LUC7L: variants seen among roughly 807,000 people sequenced by gnomAD.
LUC7L encodes LUC7 like.
Under a neutral mutation model 51.1 loss-of-function variants are expected in LUC7L, and 29 were observed. The ratio of observed to expected loss-of-function variants is 0.57; its 90% CI spans 0.42 to 0.77. LUC7L has a LOEUF of 0.77. LUC7L is among the 30% of genes least tolerant of loss of function. The pLI is 0.00. For synonymous variants in LUC7L, 181 were observed against 180.7 expected, an observed-to-expected ratio of 1.00 and a Z score of -0.01; for missense variants, 403 against 511.9, an observed-to-expected ratio of 0.79 and a Z score of 2.05.
chr16:213,205 T>G (rs956361585), intron 3 of LUC7L, among the ~76,000 whole-genome samples: 9 of 152,082 alleles, frequency 5.9e-5, no homozygotes, highest in African/African-American at 1.9e-4. Flanking sequence ...ATAAAACATA[T>G]CAAGGCCTGG....
intron 7 of LUC7L, chr16:190,780 T>C: frequency 1.8e-6 from 1 of 555,978 alleles, no homozygotes; most frequent in Non-Finnish European, 3.2e-6. Flanking sequence ...CTCAGGAGAC[T>C]GAGGCAGGAA....
At chr16:202,383 C>G (rs543753557) in intron 5 of LUC7L, among the ~76,000 whole-genome samples, 1 of 152,294 alleles carries the variant, frequency 6.6e-6, no homozygotes, top group South Asian at 2.1e-4. Context: ...GACCCCACCT[C>G]CAACATTGGA....
intron 3 of LUC7L, among the ~76,000 whole-genome samples, chr16:215,422 C>G (rs2049763899): frequency 6.6e-6 from 1 of 151,900 alleles, no homozygotes; most frequent in Non-Finnish European, 1.5e-5. Flanking sequence ...AGTTTGAGAC[C>G]AGCCTGACCA....
chr16:205,205 G>C (rs1283457965), intron 5 of LUC7L, among the ~76,000 whole-genome samples: 1 of 152,092 alleles, frequency 6.6e-6, no homozygotes, highest in Non-Finnish European at 1.5e-5. Context: ...TAGAGACAGG[G>C]TCTTGCTATG....
chr16:220,921 C>G (rs1395769007), intron 2 of LUC7L, among the ~76,000 whole-genome samples, 174 bp from the exon 3 acceptor site: 2 of 152,204 alleles, frequency 1.3e-5, no homozygotes, highest in Non-Finnish European at 2.9e-5. Context: ...TTCACTTTTA[C>G]CATCGTGACT....
intron 3 of LUC7L, 98 bp downstream of exon 3, chr16:220,548 CTTA>C (rs989214541): frequency 2.8e-5 from 24 of 849,878 alleles, no homozygotes; most frequent in Non-Finnish European, 3.7e-5. Context: ...AAGCAACTAC[CTTA>C]TTATTTTGCT....
intron 5 of LUC7L, among the ~76,000 whole-genome samples, chr16:201,728 C>T (rs1195595770): frequency 1.0e-4 from 15 of 148,762 alleles, no homozygotes; most frequent in Admixed American, 7.5e-4. Flanking sequence ...CGTGAGCCAC[C>T]GCACCAGGCT....
In LUC7L at chr16:205,304, C is replaced by T. The variant is rs139580771; in HGVS notation, c.510+700G>A. On this transcript the variant is annotated intron_variant, in intron 5 of 9. Transcript: ENST00000293872. ...AGCTGAGACTAAAGCCAAGAGCCAC[C>T]ATAGCTGGCCATATGCTTAAGTTTT... Among the ~76,000 whole-genome samples the T allele has an allele frequency of 5.9e-5, 9 of 152,304 alleles. No individual in the cohort carries two copies. In the East Asian group the frequency reaches 1.7e-3, roughly 29 times the overall value.
chr16:193,573 T>C (rs1402165909), intron 6 of LUC7L, among the ~76,000 whole-genome samples: 2 of 151,880 alleles, frequency 1.3e-5, no homozygotes, highest in Non-Finnish European at 2.9e-5. Flanking sequence ...CTTTGCTCAC[T>C]GAAGCCTCTG....
chr16:197,953 T>A (rs1488266051), intron 6 of LUC7L, among the ~76,000 whole-genome samples: 3 of 152,106 alleles, frequency 2.0e-5, no homozygotes, highest in Non-Finnish European at 4.4e-5. Context: ...CAACCTTCCT[T>A]CTTAGCATTC....
chr16:228,519 T>C (rs2142130700), intron 1 of LUC7L: 4 of 1,216,954 alleles, frequency 3.3e-6, no homozygotes, highest in East Asian at 5.8e-5. Context: ...TATTCACCTA[T>C]GAAATAAAGT....
At chr16:191,831 G>A (rs539056056) in intron 7 of LUC7L, among the ~76,000 whole-genome samples, 7 of 152,176 alleles carry the variant, frequency 4.6e-5, no homozygotes, top group Admixed American at 2.0e-4. Flanking sequence ...GTGACAGAGC[G>A]AGACCCTGTC....
At chr16:215,417 G>A (rs569074298) in intron 3 of LUC7L, among the ~76,000 whole-genome samples, 1 of 152,102 alleles carries the variant, frequency 6.6e-6, no homozygotes, top group South Asian at 2.1e-4. Context: ...TCAGGAGTTT[G>A]AGACCAGCCT....
chr16:210,255 C>A (rs1241359226), intron 3 of LUC7L, among the ~76,000 whole-genome samples: 1 of 152,198 alleles, frequency 6.6e-6, no homozygotes, highest in Non-Finnish European at 1.5e-5. Flanking sequence ...CCATTGCACT[C>A]CAGCCTGGGC....
intron 3 of LUC7L, 86 bp from the exon 4 acceptor site, chr16:208,274 C>G: frequency 1.0e-6 from 1 of 960,636 alleles, no homozygotes; most frequent in East Asian, 2.5e-5. Context: ...GAAATACACT[C>G]CTAGGTTCGT....
chr16:223,335 C>T (rs932564515), intron 2 of LUC7L, among the ~76,000 whole-genome samples: 2 of 151,902 alleles, frequency 1.3e-5, no homozygotes, highest in African/African-American at 2.4e-5. Flanking sequence ...AGCGACAGAG[C>T]GAGACTCCGT....
chr16:194,952 G>T (rs1313391797), intron 6 of LUC7L, among the ~76,000 whole-genome samples: 2 of 152,146 alleles, frequency 1.3e-5, no homozygotes, highest in African/African-American at 2.4e-5. Context: ...TCCATCCAGA[G>T]AGCCACGATG....
intron 3 of LUC7L, among the ~76,000 whole-genome samples, chr16:211,470 A>T (rs2049638960): frequency 6.6e-6 from 1 of 152,194 alleles, no homozygotes; most frequent in South Asian, 2.1e-4. Flanking sequence ...AGAAAACAAC[A>T]ACTATAAATG....
At chr16:200,569 C>T (rs2049295055) in intron 5 of LUC7L, among the ~76,000 whole-genome samples, 1 of 151,042 alleles carries the variant, frequency 6.6e-6, no homozygotes, top group Middle Eastern at 3.5e-3. Flanking sequence ...GAGGAAAACT[C>T]CAAAAAGGAA....
Sources: gnomAD v4.1 joint callset for allele counts (sites outside exome capture counted in the v4.1 genomes callset) on GRCh38, gnomAD v4.1.1 for gene constraint, MANE v1.5 for transcripts, NCBI Gene and HGNC (gene_info 2026-07-23, HGNC 2026-07-21) for gene names.